Variants in PINX1 observed in about 807,000 individuals in gnomAD.
PINX1 encodes the protein PIN2 (TERF1) interacting telomerase inhibitor 1.
Under a neutral mutation model 25.4 loss-of-function variants are expected in PINX1, and 34 were observed. The observed-to-expected ratio is 1.34, with a 90% CI of 1.02 to 1.78. The LOEUF is 1.78. Ranked by LOEUF, PINX1 falls within the 40% of genes most tolerant of loss-of-function variation. The pLI, the probability that PINX1 is intolerant of heterozygous loss-of-function variation, is 0.00. For missense variants in PINX1, 592 were observed against 404.9 expected (o/e 1.46, Z -3.97); for synonymous variants, 197 against 147.7 (o/e 1.33, Z -2.42).
At chr8:10,819,497 T>C (rs879514735) in intron 6 of PINX1, among the ~76,000 whole-genome samples, 2 of 152,248 alleles carry the variant, frequency 1.3e-5, no homozygotes, top group Non-Finnish European at 2.9e-5. Flanking sequence ...CTGTTATCTT[T>C]AGAAATCCAT....
chr8:10,800,362 C>T (rs1394030675), intron 6 of PINX1, among the ~76,000 whole-genome samples: 2 of 152,064 alleles, frequency 1.3e-5, no homozygotes, highest in Non-Finnish European at 2.9e-5. Context: ...AATTATTTTG[C>T]GATTCTTTTA....
At chr8:10,821,411 C>T (rs145399619) in intron 5 of PINX1, among the ~76,000 whole-genome samples, 170 of 152,334 alleles carry the variant, frequency 1.1e-3, no homozygotes, top group South Asian at 2.9e-3. Context: ...GTGGCCCAGG[C>T]GGTATGACCT....
At chr8:10,823,860 A>C (rs1797951736) in intron 5 of PINX1, among the ~76,000 whole-genome samples, 1 of 152,140 alleles carries the variant, frequency 6.6e-6, no homozygotes, top group Non-Finnish European at 1.5e-5. Flanking sequence ...TACAGCTGAT[A>C]TTTAGGCAGT....
intron 6 of PINX1, among the ~76,000 whole-genome samples, chr8:10,785,100 T>C (rs1391498467): frequency 2.6e-5 from 4 of 152,208 alleles, no homozygotes; most frequent in Admixed American, 2.6e-4. Context: ...AAAATTCCCA[T>C]AACGTTTTAA....
At position 10,765,455 on chromosome 8, in the gene PINX1, G is replaced by A. The variant is rs535170375; in HGVS notation, c.933C>T (p.Asp311=). Residue 311 remains aspartate, a synonymous_variant, in exon 7 of 7, where the codon GAC becomes GAT. Transcript: ENST00000314787. ...KLQKPVEIAE[D]ATLEETLVKK... ...TCACTAGCGTTTCTTCTAGTGTAGC[G>A]TCCTCTGCTATCTCTACTGGTTTTT... 17 of 1,612,694 alleles carry A rather than the reference G, an allele frequency of 1.1e-5. 1 individual carries two copies. The highest frequency in any genetic ancestry group is 8.0e-5 in the African/African-American group (6 of 75,048).
At chr8:10,772,686 T>A (rs1801265840) in intron 6 of PINX1, among the ~76,000 whole-genome samples, 1 of 152,192 alleles carries the variant, frequency 6.6e-6, no homozygotes, top group Non-Finnish European at 1.5e-5. Flanking sequence ...AAAACAAATA[T>A]AAAACCCCAT....
chr8:10,826,492 G>C (rs1323165962), intron 4 of PINX1, among the ~76,000 whole-genome samples: 1 of 152,208 alleles, frequency 6.6e-6, no homozygotes. Context: ...CAGAAATTTA[G>C]AAAATCCTTG....
At position 10,834,707 on chromosome 8, in the gene PINX1, C is replaced by A. The variant is rs755994275; in HGVS notation, c.88G>T (p.Gly30Cys). The part of the protein sequence containing the change: ...TAWSNDDSKF[G>C]QRMLEKMGWS... ...CCCATCTTCTCTAGCATCCGCTGGC[C>A]AAACTTGGAATCGTCATTACTCCAG... The change falls in exon 2 of 7, where the codon GGC becomes TGC. Residue 30 changes from glycine (G) to cysteine (C), a missense_variant. Coordinates refer to ENST00000314787, the MANE Select transcript of PINX1 (RefSeq NM_017884.6). 17 of 1,613,796 alleles carry A rather than the reference C, an allele frequency of 1.1e-5. No individual in the cohort carries two copies. The highest frequency in any genetic ancestry group is 1.7e-6 in the Non-Finnish European group (2 of 1,179,858).
chr8:10,796,166 G>A (rs574317529), intron 6 of PINX1, among the ~76,000 whole-genome samples: 1 of 152,260 alleles, frequency 6.6e-6, no homozygotes. Flanking sequence ...AATATCTGCT[G>A]AGTGCATGGA....
chr8:10,827,963 G>A (rs970014918), intron 4 of PINX1, among the ~76,000 whole-genome samples: 12 of 146,868 alleles, frequency 8.2e-5, no homozygotes, highest in Non-Finnish European at 1.8e-4. Context: ...GAGGATATAA[G>A]AGAAATTGGA....
chr8:10,821,205 T>C (rs996156153), intron 5 of PINX1, among the ~76,000 whole-genome samples: 1 of 152,242 alleles, frequency 6.6e-6, no homozygotes, highest in Admixed American at 6.5e-5. Flanking sequence ...CAGACTCACT[T>C]GTCTTCTTGG....
chr8:10,819,494 C>G (rs1223900526), intron 6 of PINX1, among the ~76,000 whole-genome samples: 1 of 152,192 alleles, frequency 6.6e-6, no homozygotes, highest in African/African-American at 2.4e-5. Context: ...AGCCTGTTAT[C>G]TTTAGAAATC....
intron 6 of PINX1, among the ~76,000 whole-genome samples, chr8:10,784,306 T>C (rs1398208071): frequency 6.6e-6 from 1 of 152,244 alleles, no homozygotes; most frequent in Admixed American, 6.5e-5. Flanking sequence ...GACTTATAAG[T>C]GGCTCTCCTT....
chr8:10,809,682 A>T (rs1406097054), intron 6 of PINX1, among the ~76,000 whole-genome samples: 2 of 152,212 alleles, frequency 1.3e-5, no homozygotes, highest in Non-Finnish European at 2.9e-5. Flanking sequence ...AGGAACATTC[A>T]CACATCCAGG....
At chr8:10,790,279 G>A (rs1338944431) in intron 6 of PINX1, among the ~76,000 whole-genome samples, 1 of 152,156 alleles carries the variant, frequency 6.6e-6, no homozygotes, top group Non-Finnish European at 1.5e-5. Context: ...GAACAAAAGA[G>A]GCTTTTCAGG....
intron 6 of PINX1, among the ~76,000 whole-genome samples, chr8:10,811,401 TATTTG>T (rs1349387092): frequency 2.6e-5 from 4 of 152,206 alleles, no homozygotes; most frequent in African/African-American, 9.7e-5. Flanking sequence ...CAGGTATATA[TATTTG>T]ATACCAGGTA....
intron 5 of PINX1, among the ~76,000 whole-genome samples, chr8:10,825,064 G>A (rs1797994769): frequency 6.6e-6 from 1 of 152,116 alleles, no homozygotes; most frequent in Non-Finnish European, 1.5e-5. Flanking sequence ...AGGGAAGGGA[G>A]GCCCAGCCTC....
rs553758202 is a variant in PINX1 at position 10,831,088 on chromosome 8, C to T, written c.301+577G>A. Among the ~76,000 whole-genome samples the T allele has an allele frequency of 2.2e-4, 34 of 152,334 alleles. No homozygotes were observed. In the South Asian group the frequency reaches 6.6e-3, roughly 30 times the overall value. ...TGAACTGGGAAACATGTGGTGCATA[C>T]ACACCACGGAATACTATTTACCCTT... On this transcript the variant is annotated intron_variant, in intron 4 of 6. Coordinates refer to ENST00000314787, the MANE Select transcript of PINX1 (RefSeq NM_017884.6).
At chr8:10,791,147 C>T (rs1045143226) in intron 6 of PINX1, among the ~76,000 whole-genome samples, 2 of 152,094 alleles carry the variant, frequency 1.3e-5, no homozygotes, top group African/African-American at 4.8e-5. Flanking sequence ...TTCCTGACCT[C>T]GTGATCTGCC....
Sources: gnomAD v4.1 joint callset for allele counts (sites outside exome capture counted in the v4.1 genomes callset) on GRCh38, gnomAD v4.1.1 for gene constraint, MANE v1.5 for transcripts, NCBI Gene and HGNC (gene_info 2026-07-23, HGNC 2026-07-21) for gene names.